ZBTB20: variants seen among roughly 807,000 people sequenced by gnomAD.
The protein encoded by ZBTB20 is zinc finger and BTB domain containing 20.
ZBTB20 carries 9 observed loss-of-function variants against 56.9 expected under a neutral mutation model. That is an observed-to-expected ratio of 0.16 (90% confidence interval 0.10 to 0.28). The LOEUF (loss-of-function observed/expected upper bound fraction) is 0.28, where lower values mean the gene tolerates loss of function less well. Ranked by LOEUF, ZBTB20 falls within the 10% of genes least tolerant of loss-of-function variation. The pLI, the probability that ZBTB20 is intolerant of heterozygous loss-of-function variation, is 1.00. For missense variants in ZBTB20, 655 were observed against 1,003.0 expected, an observed-to-expected ratio of 0.65 and a Z score of 4.69; for synonymous variants, 417 against 420.7, an observed-to-expected ratio of 0.99 and a Z score of 0.11.
At chr3:114,594,618 T>C (rs553729791) in intron 6 of ZBTB20, among the ~76,000 whole-genome samples, 1 of 152,136 alleles carries the variant, frequency 6.6e-6, no homozygotes, top group East Asian at 1.9e-4. Flanking sequence ...GTGTCTAGCA[T>C]AAAACAAACA....
intron 6 of ZBTB20, among the ~76,000 whole-genome samples, chr3:114,637,147 C>T (rs139545192): frequency 7.2e-5 from 11 of 151,728 alleles, no homozygotes; most frequent in African/African-American, 2.2e-4. Flanking sequence ...TATAATAATC[C>T]CCTTGATTAG....
intron 2 of ZBTB20, among the ~76,000 whole-genome samples, chr3:114,978,255 A>G (rs972800719): frequency 6.7e-6 from 1 of 148,690 alleles, no homozygotes; most frequent in Non-Finnish European, 1.5e-5. Flanking sequence ...TTAAACATAT[A>G]TAAAATATAT....
At chr3:114,717,185 GCTAA>G (rs1351683726) in intron 5 of ZBTB20, among the ~76,000 whole-genome samples, 1 of 152,046 alleles carries the variant, frequency 6.6e-6, no homozygotes, top group Non-Finnish European at 1.5e-5. Context: ...TCTTGTGAGG[GCTAA>G]CTAACAAGAT....
At chr3:114,801,752 T>C (rs1381499643) in intron 4 of ZBTB20, among the ~76,000 whole-genome samples, 2 of 151,820 alleles carry the variant, frequency 1.3e-5, no homozygotes, top group Non-Finnish European at 2.9e-5. Context: ...TACTGTATTA[T>C]GGGTTTAGCG....
intron 2 of ZBTB20, among the ~76,000 whole-genome samples, chr3:115,060,391 G>A (rs141952735): frequency 2.0e-3 from 310 of 152,150 alleles, no homozygotes; most frequent in African/African-American, 6.9e-3. Context: ...TTCTTTATAT[G>A]CAAACCCTAT....
At chr3:114,818,095 T>G (rs1431370143) in intron 4 of ZBTB20, among the ~76,000 whole-genome samples, 1 of 152,170 alleles carries the variant, frequency 6.6e-6, no homozygotes, top group African/African-American at 2.4e-5. Context: ...GATTAGAAAT[T>G]CCAATTTCCT....
chr3:114,575,312 CT>C (rs2053891198), intron 6 of ZBTB20, among the ~76,000 whole-genome samples: 1 of 152,158 alleles, frequency 6.6e-6, no homozygotes, highest in African/African-American at 2.4e-5. Context: ...ATATGTACTT[CT>C]TATAAATCAA....
chr3:114,673,452 T>C (rs148341044), intron 6 of ZBTB20, among the ~76,000 whole-genome samples: 1,630 of 152,246 alleles, frequency 0.011, 25 homozygotes, highest in African/African-American at 0.036. Context: ...ACCTCGACTA[T>C]TTAACTGATC....
chr3:114,653,779 C>T (rs535819575), intron 6 of ZBTB20, among the ~76,000 whole-genome samples: 5 of 151,928 alleles, frequency 3.3e-5, no homozygotes, highest in East Asian at 1.9e-4. Context: ...ATGCTTTTGA[C>T]GACAAATTCA....
chr3:114,635,394 G>A (rs1336415536), intron 6 of ZBTB20, among the ~76,000 whole-genome samples: 1 of 151,954 alleles, frequency 6.6e-6, no homozygotes, highest in African/African-American at 2.4e-5. Context: ...CAAATATACA[G>A]ATCACAAAGA....
chr3:114,392,032 T>C (rs1230596329), intron 7 of ZBTB20, among the ~76,000 whole-genome samples: 3 of 152,202 alleles, frequency 2.0e-5, no homozygotes, highest in Non-Finnish European at 4.4e-5. Context: ...AACTAATAAA[T>C]ATGTTTTATA....
At chr3:114,504,950 A>G (rs1260911679) in intron 6 of ZBTB20, among the ~76,000 whole-genome samples, 1 of 152,204 alleles carries the variant, frequency 6.6e-6, no homozygotes, top group Non-Finnish European at 1.5e-5. Context: ...ACTAAATTAC[A>G]CTACCTTTAG....
chr3:114,899,345 G>A (rs1213298884), intron 4 of ZBTB20, among the ~76,000 whole-genome samples: 3 of 151,974 alleles, frequency 2.0e-5, no homozygotes, highest in Non-Finnish European at 4.4e-5. Flanking sequence ...CAGCTAAATG[G>A]ATCAATAACT....
At chr3:114,614,370 G>T (rs1187730491) in intron 6 of ZBTB20, among the ~76,000 whole-genome samples, 1 of 152,118 alleles carries the variant, frequency 6.6e-6, no homozygotes, top group Non-Finnish European at 1.5e-5. Flanking sequence ...ATTGAGTATT[G>T]TGAGGAGCAC....
intron 11 of ZBTB20, among the ~76,000 whole-genome samples, chr3:114,340,383 T>C (rs2079667845): frequency 6.6e-6 from 1 of 152,084 alleles, no homozygotes; most frequent in Non-Finnish European, 1.5e-5. Context: ...AATGCTTCCA[T>C]ATGCCTTTTG....
intron 4 of ZBTB20, among the ~76,000 whole-genome samples, chr3:114,883,928 T>C (rs1455603632): frequency 9.9e-5 from 7 of 70,962 alleles, no homozygotes; most frequent in African/African-American, 1.8e-4. Flanking sequence ...TTTTTTTTTT[T>C]TTTTTTTTTT....
chr3:114,914,331 A>G (rs1035641043), intron 3 of ZBTB20, among the ~76,000 whole-genome samples: 1 of 151,816 alleles, frequency 6.6e-6, no homozygotes, highest in Non-Finnish European at 1.5e-5. Flanking sequence ...TTTTATCTGT[A>G]GCTATTATAA....
At chr3:115,040,892 G>A (rs2081114221) in intron 2 of ZBTB20, among the ~76,000 whole-genome samples, 1 of 152,068 alleles carries the variant, frequency 6.6e-6, no homozygotes, top group African/African-American at 2.4e-5. Flanking sequence ...GGCATAGAGT[G>A]CCCAATTCTT....
At chr3:114,446,241 T>A (rs2091265517) in intron 7 of ZBTB20, among the ~76,000 whole-genome samples, 1 of 152,146 alleles carries the variant, frequency 6.6e-6, no homozygotes, top group Non-Finnish European at 1.5e-5. Context: ...AATAAATAAG[T>A]AGTGTGGGGT....
Sources: gnomAD v4.1 joint callset for allele counts (sites outside exome capture counted in the v4.1 genomes callset) on GRCh38, gnomAD v4.1.1 for gene constraint, MANE v1.5 for transcripts, NCBI Gene and HGNC (gene_info 2026-07-23, HGNC 2026-07-21) for gene names.